NRXN3: variants seen among roughly 807,000 people sequenced by gnomAD.
NRXN3 encodes neurexin III.
NRXN3 carries 32 observed loss-of-function variants against 137.6 expected under a neutral mutation model. That is an observed-to-expected ratio of 0.23 (90% CI 0.18 to 0.31). The LOEUF (loss-of-function observed/expected upper bound fraction) is 0.31, where lower values mean the gene tolerates loss of function less well. Ranked by LOEUF, NRXN3 falls within the 10% of genes least tolerant of loss-of-function variation. NRXN3 has a pLI of 1.00. For missense variants in NRXN3, 1,574 were observed against 2,062.5 expected (o/e 0.76, Z 4.59); for synonymous variants, 798 against 784.5 (o/e 1.02, Z -0.29).
intron 15 of NRXN3, among the ~76,000 whole-genome samples, chr14:79,159,791 C>T (rs2060589132): frequency 6.6e-6 from 1 of 151,856 alleles, no homozygotes; most frequent in African/African-American, 2.4e-5. Flanking sequence ...AATGCCTTTT[C>T]TCTTACTCCC....
rs751071903 is a variant in NRXN3 at position 79,697,955 on chromosome 14, T to C, written c.4014+18T>C. The C allele has an allele frequency of 1.3e-6, 2 of 1,597,292 alleles. No individual in the cohort carries two copies. Among genetic ancestry groups the C allele is most frequent in the Non-Finnish European group, 8.6e-7 (1 of 1,166,848 alleles). On this transcript the variant is annotated intron_variant, in intron 19 of 20. Transcript: ENST00000335750. ...GCATTCAGGTAGGCCTTTTTCCAAG[T>C]ATTAATTGCGTCTGTATTTTTATCT...
intron 4 of NRXN3, among the ~76,000 whole-genome samples, chr14:78,518,559 T>C (rs1391986720): frequency 6.6e-6 from 1 of 152,124 alleles, no homozygotes; most frequent in Non-Finnish European, 1.5e-5. Context: ...ACCTCTGGGA[T>C]CCAGCAGAAA....
chr14:78,222,333 T>TAC (rs72352115), intron 1 of NRXN3, among the ~76,000 whole-genome samples: 4,839 of 148,474 alleles, frequency 0.033, 186 homozygotes, highest in African/African-American at 0.098. Context: ...CACACACACA[T>TAC]ACACACACAC....
chr14:78,922,442 G>A (rs1381525352), intron 10 of NRXN3, among the ~76,000 whole-genome samples: 1 of 152,200 alleles, frequency 6.6e-6, no homozygotes, highest in Non-Finnish European at 1.5e-5. Flanking sequence ...AGAAAAAAAT[G>A]TGTATCAGAG....
chr14:78,674,339 TG>T (rs984378692), intron 6 of NRXN3, among the ~76,000 whole-genome samples: 1 of 152,198 alleles, frequency 6.6e-6, no homozygotes, highest in Non-Finnish European at 1.5e-5. Context: ...CTGCAAATAA[TG>T]GGGGACCTTT....
rs911382431 is a variant in NRXN3, at chr14:78,651,221, T to C, written c.1116T>C (p.Tyr372=). 6 of 1,613,924 alleles carry C rather than the reference T, an allele frequency of 3.7e-6. No individual in the cohort carries two copies. The African/African-American group carries it at 4.0e-5, about 11-fold the overall frequency. Residue 372 remains tyrosine, a synonymous_variant, in exon 6 of 21, where the codon TAT becomes TAC. Coordinates refer to ENST00000335750, the MANE Select transcript of NRXN3 (RefSeq NM_001330195.2). ...CGACGGGCTACACTCAAGAGGACTA[T>C]ACCATGCTGGGCTCGGACGACTTCT... The part of the protein sequence containing the change: ...LTTTGYTQED[Y]TMLGSDDFFY...
chr14:78,402,017 A>T (rs746437458), intron 4 of NRXN3, among the ~76,000 whole-genome samples: 1 of 152,214 alleles, frequency 6.6e-6, no homozygotes, highest in Non-Finnish European at 1.5e-5. Flanking sequence ...GTCTCACTGC[A>T]TGTGGTGAGT....
intron 2 of NRXN3, among the ~76,000 whole-genome samples, chr14:78,276,960 C>T (rs2073690067): frequency 6.6e-6 from 1 of 152,234 alleles, no homozygotes; most frequent in Non-Finnish European, 1.5e-5. Flanking sequence ...TCCCTTTCCA[C>T]CTCTTCTCTT....
At chr14:78,179,842 G>GTTTTTTTTTTTTTTTTTTT (rs796341902) in intron 1 of NRXN3, among the ~76,000 whole-genome samples, 3 of 109,156 alleles carry the variant, frequency 2.7e-5, no homozygotes, top group African/African-American at 3.4e-5. Context: ...CTGTTTTTTT[G>GTTTTTTTTTTTTTTTTTTT]TTTTTTTTTT....
intron 15 of NRXN3, among the ~76,000 whole-genome samples, chr14:79,337,541 G>A (rs2092344653): frequency 6.6e-6 from 1 of 152,164 alleles, no homozygotes; most frequent in Non-Finnish European, 1.5e-5. Context: ...TGATGGTAAA[G>A]AGAAAAGAAT....
At chr14:78,774,923 T>TA (rs199590617) in intron 8 of NRXN3, among the ~76,000 whole-genome samples, 65 of 150,672 alleles carry the variant, frequency 4.3e-4, no homozygotes, top group East Asian at 2.5e-3. Context: ...ACCCTGTCTC[T>TA]AAAAAAAAAG....
At chr14:79,640,513 A>C (rs919762697) in intron 16 of NRXN3, among the ~76,000 whole-genome samples, 17 of 135,330 alleles carry the variant, frequency 1.3e-4, no homozygotes, top group African/African-American at 4.2e-4. Context: ...GCTGTTGCTC[A>C]TTTTGCTTAA....
chr14:79,177,071 T>C (rs779446172), intron 15 of NRXN3, among the ~76,000 whole-genome samples: 1 of 152,218 alleles, frequency 6.6e-6, no homozygotes, highest in African/African-American at 2.4e-5. Flanking sequence ...AAGAGTTGTA[T>C]AGGATAAGAT....
At chr14:78,454,686 G>A (rs1048134787) in intron 4 of NRXN3, among the ~76,000 whole-genome samples, 1 of 152,190 alleles carries the variant, frequency 6.6e-6, no homozygotes, top group East Asian at 1.9e-4. Context: ...AGGTGCTATG[G>A]TGCATAGAAG....
chr14:78,922,705 G>A (rs1230291194), intron 10 of NRXN3, among the ~76,000 whole-genome samples: 1 of 152,112 alleles, frequency 6.6e-6, no homozygotes, highest in Non-Finnish European at 1.5e-5. Context: ...TGTAGGTGGA[G>A]GGGAGCAGGG....
chr14:78,996,516 A>G (rs2099530422), intron 15 of NRXN3, among the ~76,000 whole-genome samples: 3 of 152,158 alleles, frequency 2.0e-5, no homozygotes, highest in Non-Finnish European at 4.4e-5. Context: ...GAGCTTAACG[A>G]CTTTTGTTAG....
At chr14:78,968,901 G>T (rs1211889741) in intron 14 of NRXN3, among the ~76,000 whole-genome samples, 1 of 152,166 alleles carries the variant, frequency 6.6e-6, no homozygotes, top group African/African-American at 2.4e-5. Flanking sequence ...CAGTTCTTTA[G>T]TGTGGTATAT....
At chr14:79,533,035 T>C (rs1196907967) in intron 16 of NRXN3, among the ~76,000 whole-genome samples, 1 of 152,050 alleles carries the variant, frequency 6.6e-6, no homozygotes, top group African/African-American at 2.4e-5. Flanking sequence ...GGTATTTCAA[T>C]TGAGTAAGCC....
At chr14:78,337,923 ACTGACT>A (rs1211697948) in intron 4 of NRXN3, among the ~76,000 whole-genome samples, 3 of 152,166 alleles carry the variant, frequency 2.0e-5, no homozygotes, top group Non-Finnish European at 4.4e-5. Context: ...GAGGGTCATG[ACTGACT>A]CAGCTTAGGC....
Sources: allele counts gnomAD v4.1 joint callset (sites outside exome capture counted in the v4.1 genomes callset), GRCh38; gene constraint gnomAD v4.1.1; transcripts MANE v1.5; gene names NCBI Gene and HGNC (gene_info 2026-07-23, HGNC 2026-07-21).